The following CDK6 variants were observed in gnomAD, a reference collection of about 807,000 sequenced individuals.
CDK6 encodes the protein cyclin dependent kinase 6.
In CDK6, 6 loss-of-function variants were observed where a neutral mutation model predicts 37.1. The ratio of observed to expected loss-of-function variants is 0.16; its 90% CI spans 0.09 to 0.32. The LOEUF (loss-of-function observed/expected upper bound fraction) is 0.32. CDK6 is among the 10% of genes least tolerant of loss of function. CDK6 has a pLI of 1.00. For synonymous variants in CDK6, 160 were observed against 161.3 expected (o/e 0.99, Z 0.06); for missense variants, 224 against 418.9 (o/e 0.53, Z 4.06).
chr7:92,611,556 T>C lies in CDK6; in HGVS notation c.*3584A>G, dbSNP rs1293061528. On this transcript the variant is annotated 3_prime_UTR_variant, in exon 8 of 8. Transcript: ENST00000424848. ...GAACAATAATGGCCATTACTGACTT[T>C]AATAGGCACCACTTGTAAAAGAAGC... 3 of 227,982 alleles carry C rather than the reference T, an allele frequency of 1.3e-5. No homozygotes were observed. The highest frequency in any genetic ancestry group is 6.7e-5 in the African/African-American group (3 of 45,078). The allele number at this position is 227,982 out of a possible 1,614,324, so 14.1% of individuals were successfully genotyped here. A position where few individuals can be genotyped will look rare whatever the true frequency, so the allele number is the denominator to read the frequency against.
chr7:92,672,171 A>T (rs1797091776), intron 4 of CDK6, among the ~76,000 whole-genome samples: 1 of 113,748 alleles, frequency 8.8e-6, no homozygotes, highest in African/African-American at 3.5e-5. Context: ...ACACATACAC[A>T]CACACACACA....
intron 2 of CDK6, among the ~76,000 whole-genome samples, chr7:92,781,052 A>G (rs1799978261): frequency 6.6e-6 from 1 of 152,236 alleles, no homozygotes; most frequent in African/African-American, 2.4e-5. Flanking sequence ...ATTACCATTA[A>G]ATATTTATCC....
At chr7:92,716,552 G>C (rs1052965391) in intron 4 of CDK6, among the ~76,000 whole-genome samples, 1 of 152,178 alleles carries the variant, frequency 6.6e-6, no homozygotes, top group African/African-American at 2.4e-5. Context: ...TACAGAATTT[G>C]AGAAACATTA....
chr7:92,710,754 C>T, intron 4 of CDK6: 3 of 985,220 alleles, frequency 3.0e-6, no homozygotes, highest in Non-Finnish European at 3.6e-6. Context: ...GTTTCTACTG[C>T]CATGGAACAC....
intron 5 of CDK6, among the ~76,000 whole-genome samples, chr7:92,634,933 G>T (rs1430258094): frequency 6.6e-6 from 1 of 152,134 alleles, no homozygotes; most frequent in Non-Finnish European, 1.5e-5. Context: ...GGACATGTGG[G>T]GGGATGTAGT....
intron 2 of CDK6, among the ~76,000 whole-genome samples, chr7:92,803,955 C>T (rs1357787653): frequency 6.6e-6 from 1 of 152,166 alleles, no homozygotes; most frequent in Non-Finnish European, 1.5e-5. Context: ...CTACCGTATT[C>T]ATAGATCTCA....
intron 4 of CDK6, among the ~76,000 whole-genome samples, chr7:92,723,181 C>T (rs1057367057): frequency 1.3e-5 from 2 of 151,894 alleles, no homozygotes; most frequent in African/African-American, 2.4e-5. Context: ...GTCTCAAAAA[C>T]AAAAACAAAC....
At chr7:92,661,869 G>A (rs1405689448) in intron 5 of CDK6, among the ~76,000 whole-genome samples, 1 of 152,216 alleles carries the variant, frequency 6.6e-6, no homozygotes, top group East Asian at 1.9e-4. Context: ...GTGGCTCACA[G>A]TAAGTGTGCA....
At chr7:92,806,532 T>A (rs2115921391) in intron 2 of CDK6, among the ~76,000 whole-genome samples, 1 of 152,242 alleles carries the variant, frequency 6.6e-6, no homozygotes, top group South Asian at 2.1e-4. Context: ...GAGTGGAGGA[T>A]GTCAGGGAGG....
At chr7:92,703,811 T>A (rs539423646) in intron 4 of CDK6, among the ~76,000 whole-genome samples, 1 of 152,350 alleles carries the variant, frequency 6.6e-6, no homozygotes, top group East Asian at 1.9e-4. Flanking sequence ...TCCCTATGTT[T>A]ATCAGCCTAA....
At chr7:92,625,170 T>A (rs1008063309) in intron 5 of CDK6, among the ~76,000 whole-genome samples, 5 of 151,578 alleles carry the variant, frequency 3.3e-5, no homozygotes, top group Admixed American at 1.3e-4. Context: ...ATATATCTCA[T>A]CTACTAGAAT....
At chr7:92,673,616 G>C (rs1053520032) in intron 4 of CDK6, among the ~76,000 whole-genome samples, 1 of 152,074 alleles carries the variant, frequency 6.6e-6, no homozygotes, top group Non-Finnish European at 1.5e-5. Flanking sequence ...TTATATCCTA[G>C]TCACATCTAT....
chr7:92,807,787 G>A (rs1800766154), intron 2 of CDK6, among the ~76,000 whole-genome samples: 2 of 152,076 alleles, frequency 1.3e-5, no homozygotes, highest in African/African-American at 4.8e-5. Context: ...ATGATGAACA[G>A]TCAAACGGTA....
intron 5 of CDK6, among the ~76,000 whole-genome samples, chr7:92,654,974 G>T (rs138676348): frequency 6.6e-6 from 1 of 151,402 alleles, no homozygotes; most frequent in African/African-American, 2.4e-5. Context: ...GCCTCCCAAG[G>T]TGGGACTACA....
intron 4 of CDK6, among the ~76,000 whole-genome samples, chr7:92,683,538 G>A (rs564292544): frequency 1.3e-5 from 2 of 152,332 alleles, no homozygotes; most frequent in South Asian, 4.1e-4. Context: ...TCAGGTGGAA[G>A]CAGTCATGAA....
intron 2 of CDK6, among the ~76,000 whole-genome samples, chr7:92,792,065 G>A (rs1800297726): frequency 6.6e-6 from 1 of 152,116 alleles, no homozygotes; most frequent in Non-Finnish European, 1.5e-5. Flanking sequence ...ATGGAAGTTG[G>A]ATTATAGGAG....
rs375210094 is a variant in CDK6 at position 92,823,527 on chromosome 7, GT to G, written c.233+9563del. Among the ~76,000 whole-genome samples the G allele has an allele frequency of 5.5e-5, 8 of 144,582 alleles. 1 individual carries two copies. In the South Asian group the frequency reaches 1.9e-3, roughly 33 times the overall value. 94.9% of individuals were successfully genotyped at this position (144,582 alleles called of 152,430 possible). A position where few individuals can be genotyped will look rare whatever the true frequency, so the allele number is the denominator to read the frequency against. The stretch of plus-strand genomic sequence containing the variant: ...TCAAGGGAACTTACATAATTTGAAT[GT>G]ATTTCATTCATGATCAGCACTGGGA... On this transcript the variant is annotated intron_variant, in intron 2 of 7. Coordinates refer to ENST00000424848, the MANE Select transcript of CDK6 (RefSeq NM_001145306.2).
At chr7:92,715,541 C>G (rs1798211550) in intron 4 of CDK6, among the ~76,000 whole-genome samples, 1 of 152,120 alleles carries the variant, frequency 6.6e-6, no homozygotes, top group Admixed American at 6.5e-5. Context: ...TAGATAGATG[C>G]TGGGTGCAAC....
chr7:92,672,184 GACACATACACACACACACACAC>G (rs1185851760), intron 4 of CDK6, among the ~76,000 whole-genome samples: 23 of 44,140 alleles, frequency 5.2e-4, no homozygotes, highest in Non-Finnish European at 5.1e-4. Flanking sequence ...CACACACACA[GACACATACACACACACACACAC>G]ACACACACAC....
Sources: gnomAD v4.1 joint callset for allele counts (sites outside exome capture counted in the v4.1 genomes callset) on GRCh38, gnomAD v4.1.1 for gene constraint, MANE v1.5 for transcripts, NCBI Gene and HGNC (gene_info 2026-07-23, HGNC 2026-07-21) for gene names.